BBX: variants seen among roughly 807,000 people sequenced by gnomAD.
The protein encoded by BBX is HMG box transcription factor BBX.
Under a neutral mutation model 100.2 loss-of-function variants are expected in BBX, and 30 were observed. The ratio of observed to expected loss-of-function variants is 0.30; its 90% CI spans 0.22 to 0.41. The LOEUF (loss-of-function observed/expected upper bound fraction) is 0.41. BBX is among the 10% of genes least tolerant of loss of function. The pLI is 1.00. For missense variants in BBX, 1,023 were observed against 1,129.8 expected (o/e 0.91, Z 1.35); for synonymous variants, 376 against 388.1 (o/e 0.97, Z 0.37).
chr3:107,529,206 C>T (rs1372292008), intron 2 of BBX, among the ~76,000 whole-genome samples: 2 of 152,204 alleles, frequency 1.3e-5, no homozygotes, highest in Admixed American at 6.5e-5. Flanking sequence ...TTACCACCAA[C>T]GTGGCATACC....
At chr3:107,599,685 T>C (rs1210010643) in intron 2 of BBX, 2 of 152,134 alleles carry the variant, frequency 1.3e-5, no homozygotes, top group African/African-American at 4.8e-5. Flanking sequence ...TATCTAGTGT[T>C]TTGATATGGA....
Position 107,740,425 on chromosome 3 carries a change from C to G in BBX, c.670-4205C>G, listed in dbSNP as rs186171075. Reference sequence around the variant, plus strand: ...AGCCTGGCAGTTACCATCTTTGATTCAGTTGGAGTCTCACATCTCAAATGG... The same window carrying G: ...AGCCTGGCAGTTACCATCTTTGATTGAGTTGGAGTCTCACATCTCAAATGG... On this transcript the variant is annotated intron_variant, in intron 7 of 17. Transcript: ENST00000325805. Among the ~76,000 whole-genome samples the G allele has an allele frequency of 3.9e-5, 6 of 152,124 alleles. 1 individual carries two copies. The East Asian group carries it at 9.7e-4, about 25-fold the overall frequency.
At chr3:107,664,051 G>A (rs576943971) in intron 3 of BBX, among the ~76,000 whole-genome samples, 9 of 152,116 alleles carry the variant, frequency 5.9e-5, no homozygotes, top group Admixed American at 1.3e-4. Flanking sequence ...GTGATCCACC[G>A]GCCTCGGCCT....
intron 16 of BBX, 86 bp from the exon 17 acceptor site, chr3:107,801,009 C>A: frequency 7.7e-7 from 1 of 1,301,956 alleles, no homozygotes; most frequent in South Asian, 1.4e-5. Context: ...TAGCTCTTTT[C>A]ATGTTGACTG....
intron 3 of BBX, among the ~76,000 whole-genome samples, chr3:107,652,286 C>T (rs944298248): frequency 2.0e-5 from 3 of 151,480 alleles, no homozygotes; most frequent in African/African-American, 7.3e-5. Flanking sequence ...AGTGATTTGG[C>T]ATTTGTCTAA....
At chr3:107,756,196 A>G (rs2065461132) in intron 10 of BBX, among the ~76,000 whole-genome samples, 1 of 152,156 alleles carries the variant, frequency 6.6e-6, no homozygotes. Context: ...ACTTGCTTTC[A>G]TAAAGCTGGT....
At chr3:107,587,288 A>G (rs977708050) in intron 2 of BBX, among the ~76,000 whole-genome samples, 1 of 149,518 alleles carries the variant, frequency 6.7e-6, no homozygotes, top group Admixed American at 6.7e-5. Context: ...CAGAGGTTGC[A>G]GTGAGCCCAG....
intron 2 of BBX, among the ~76,000 whole-genome samples, chr3:107,564,412 T>C (rs999154786): frequency 1.5e-4 from 23 of 152,236 alleles, no homozygotes; most frequent in African/African-American, 5.5e-4. Context: ...GTCAACTTTA[T>C]CAATTTTTCC....
At chr3:107,584,286 T>C (rs1029867324) in intron 2 of BBX, among the ~76,000 whole-genome samples, 5 of 136,412 alleles carry the variant, frequency 3.7e-5, no homozygotes, top group Admixed American at 8.8e-5. Flanking sequence ...TTATTAGTTC[T>C]TCTGAACTTA....
At chr3:107,714,072 T>A (rs1206179907) in intron 4 of BBX, among the ~76,000 whole-genome samples, 2 of 147,926 alleles carry the variant, frequency 1.4e-5, no homozygotes, top group Non-Finnish European at 3.0e-5. Context: ...TCCTCCCAGG[T>A]TCAGGTGATT....
intron 3 of BBX, chr3:107,684,792 A>G (rs1041136037): frequency 2.0e-5 from 3 of 152,228 alleles, no homozygotes; most frequent in Non-Finnish European, 4.4e-5. Flanking sequence ...AATTGCAAAT[A>G]TACTTTTAAC....
chr3:107,762,581 A>G (rs920352305), intron 10 of BBX, among the ~76,000 whole-genome samples: 1 of 152,234 alleles, frequency 6.6e-6, no homozygotes, highest in African/African-American at 2.4e-5. Flanking sequence ...GGTTATGTCT[A>G]CATTGTTTTG....
At chr3:107,578,640 G>A (rs1358918585) in intron 2 of BBX, among the ~76,000 whole-genome samples, 1 of 152,126 alleles carries the variant, frequency 6.6e-6, no homozygotes, top group African/African-American at 2.4e-5. Flanking sequence ...AAAGAGCAGA[G>A]GGGCTCGTGG....
intron 3 of BBX, among the ~76,000 whole-genome samples, chr3:107,677,237 G>A (rs772085783): frequency 6.6e-6 from 1 of 152,030 alleles, no homozygotes; most frequent in Non-Finnish European, 1.5e-5. Flanking sequence ...ATAGAAAACT[G>A]GTCCCCTGCT....
intron 15 of BBX, among the ~76,000 whole-genome samples, chr3:107,797,643 T>G (rs1445568458): frequency 6.6e-6 from 1 of 152,054 alleles, no homozygotes; most frequent in Non-Finnish European, 1.5e-5. Context: ...TCTACACATC[T>G]TGTCTTACTT....
rs62263347 is a variant in BBX, at chr3:107,545,011, G to A, written c.-84+18613G>A. Among the ~76,000 whole-genome samples, 279 of 150,944 alleles carry A rather than the reference G, an allele frequency of 1.8e-3. 1 individual carries two copies. Among genetic ancestry groups the A allele is most frequent in the African/African-American group, 2.9e-3 (121 of 41,132 alleles). ...AGCCTGGGCAACAGAGCGAGACTCC[G>A]TCTCAAAAAAAAAAAAATTTTTTAA... is the stretch of plus-strand genomic sequence containing the variant. On this transcript the variant is annotated intron_variant, in intron 2 of 17. Coordinates refer to ENST00000325805, the MANE Select transcript of BBX (RefSeq NM_001142568.3).
intron 5 of BBX, among the ~76,000 whole-genome samples, chr3:107,717,846 T>A (rs1189401115): frequency 6.6e-6 from 1 of 152,118 alleles, no homozygotes; most frequent in African/African-American, 2.4e-5. Context: ...GGAATAATTC[T>A]AACATTATTT....
intron 3 of BBX, among the ~76,000 whole-genome samples, chr3:107,684,393 A>T (rs1312087381): frequency 6.6e-6 from 1 of 152,004 alleles, no homozygotes; most frequent in Non-Finnish European, 1.5e-5. Flanking sequence ...TAGTTGCGAT[A>T]TTTTTTTTCT....
chr3:107,776,707 C>A (rs1315145526), intron 12 of BBX, among the ~76,000 whole-genome samples: 1 of 152,128 alleles, frequency 6.6e-6, no homozygotes, highest in Non-Finnish European at 1.5e-5. Flanking sequence ...CTAAGAAAAA[C>A]ATAAATGATT....
Sources: gnomAD v4.1 joint callset for allele counts (sites outside exome capture counted in the v4.1 genomes callset) on GRCh38, gnomAD v4.1.1 for gene constraint, MANE v1.5 for transcripts, NCBI Gene and HGNC (gene_info 2026-07-23, HGNC 2026-07-21) for gene names.